NRG2: variants seen among roughly 807,000 people sequenced by gnomAD.
NRG2 encodes the protein pro-neuregulin-2, membrane-bound isoform.
Under a neutral mutation model 73.9 loss-of-function variants are expected in NRG2, and 27 were observed. The observed-to-expected ratio is 0.37, with a 90% CI of 0.27 to 0.50. The LOEUF (loss-of-function observed/expected upper bound fraction) is 0.50, where lower values mean the gene tolerates loss of function less well. Ranked by LOEUF, NRG2 falls within the 20% of genes least tolerant of loss-of-function variation. The probability of loss-of-function intolerance (pLI) is 0.96; values close to 1 mark genes in which losing one functional copy is unlikely to be tolerated. For missense variants in NRG2, 1,126 were observed against 1,210.1 expected, an observed-to-expected ratio of 0.93 and a Z score of 1.03; for synonymous variants, 532 against 541.0, an observed-to-expected ratio of 0.98 and a Z score of 0.23.
intron 5 of NRG2, among the ~76,000 whole-genome samples, chr5:139,859,668 G>A (rs1416544889): frequency 6.6e-6 from 1 of 152,120 alleles, no homozygotes; most frequent in African/African-American, 2.4e-5. Flanking sequence ...TGAGGGCAAC[G>A]GTCCGAACCC....
intron 9 of NRG2, 71 bp from the exon 10 acceptor site, chr5:139,848,768 G>GGGGT: frequency 1.9e-6 from 1 of 531,040 alleles, no homozygotes; most frequent in South Asian, 3.3e-5. Flanking sequence ...GTTGGGGGTG[G>GGGGT]GGTAGGGTGG....
intron 3 of NRG2, among the ~76,000 whole-genome samples, chr5:139,876,039 T>C (rs1272657497): frequency 1.3e-5 from 2 of 152,226 alleles, no homozygotes; most frequent in Admixed American, 1.3e-4. Context: ...TGTGCCCAGA[T>C]GTCCACAGCA....
intron 1 of NRG2, among the ~76,000 whole-genome samples, chr5:139,909,364 A>T (rs941910683): frequency 6.6e-6 from 1 of 152,136 alleles, no homozygotes; most frequent in Non-Finnish European, 1.5e-5. Context: ...TCCGAGTCTT[A>T]CCTATACAAT....
chr5:140,033,550 T>C (rs1761300087), intron 1 of NRG2, among the ~76,000 whole-genome samples: 1 of 152,226 alleles, frequency 6.6e-6, no homozygotes, highest in Admixed American at 6.5e-5. Flanking sequence ...CTCCACAGAA[T>C]GAGCATTCAT....
chr5:139,900,496 A>G (rs1764806363), intron 1 of NRG2, among the ~76,000 whole-genome samples: 1 of 152,246 alleles, frequency 6.6e-6, no homozygotes, highest in Non-Finnish European at 1.5e-5. Context: ...AGGGTGTGCT[A>G]CTGGCTCAGA....
chr5:139,970,795 A>G (rs1204571874), intron 1 of NRG2, among the ~76,000 whole-genome samples: 1 of 152,246 alleles, frequency 6.6e-6, no homozygotes, highest in Non-Finnish European at 1.5e-5. Flanking sequence ...GCTAAAAATC[A>G]GACAGAAAAG....
At chr5:139,938,827 T>G (rs1753047920) in intron 1 of NRG2, among the ~76,000 whole-genome samples, 1 of 126,050 alleles carries the variant, frequency 7.9e-6, no homozygotes. Flanking sequence ...CTGAAACAAT[T>G]GGACAGTCAT....
At chr5:139,938,900 G>GAAAGA (rs761406663) in intron 1 of NRG2, among the ~76,000 whole-genome samples, 9 of 63,962 alleles carry the variant, frequency 1.4e-4, no homozygotes, top group Non-Finnish European at 2.1e-4. Flanking sequence ...AAGAAAGAAA[G>GAAAGA]AAAGAAAAGA....
intron 1 of NRG2, among the ~76,000 whole-genome samples, chr5:140,018,043 T>A (rs905933129): frequency 6.6e-6 from 1 of 151,880 alleles, no homozygotes; most frequent in Admixed American, 6.6e-5. Context: ...TGCAAAGTCA[T>A]AAAGTTAGCT....
intron 1 of NRG2, among the ~76,000 whole-genome samples, chr5:139,899,171 G>A (rs1764727129): frequency 6.6e-6 from 1 of 152,224 alleles, no homozygotes; most frequent in Non-Finnish European, 1.5e-5. Context: ...TAACACCTAT[G>A]GAACTGACAG....
intron 1 of NRG2, among the ~76,000 whole-genome samples, chr5:139,938,921 GAA>G (rs1169530844): frequency 9.8e-6 from 1 of 101,578 alleles, no homozygotes; most frequent in Non-Finnish European, 2.1e-5. Context: ...AAGAAAGAAA[GAA>G]AGAAAGAAAG....
At chr5:139,964,601 AGT>A (rs1298694664) in intron 1 of NRG2, among the ~76,000 whole-genome samples, 2 of 152,176 alleles carry the variant, frequency 1.3e-5, no homozygotes, top group Non-Finnish European at 2.9e-5. Context: ...ATGCTTGGGG[AGT>A]GTGTCCCAGA....
At position 139,973,972 on chromosome 5, in the gene NRG2, GATTATGAGTGTTCTT is replaced by G. The variant is rs546740558; in HGVS notation, c.700+68383_700+68397del. ...CTTTAGTTTTGTTGCTGGGTAGTGA[GATTATGAGTGTTCTT>G]ATTTTCTTCTTTTTGATTACCCATA... On this transcript the variant is annotated intron_variant, in intron 1 of 9. Transcript: ENST00000361474. Among the ~76,000 whole-genome samples the G allele has an allele frequency of 3.1e-3, 474 of 152,298 alleles. 2 individuals are homozygous for G. Among genetic ancestry groups the G allele is most frequent in the African/African-American group, 0.011 (446 of 41,562 alleles).
At chr5:139,866,325 T>C (rs1334304119) in intron 4 of NRG2, among the ~76,000 whole-genome samples, 2 of 152,236 alleles carry the variant, frequency 1.3e-5, no homozygotes, top group African/African-American at 4.8e-5. Flanking sequence ...GAACTTTCCA[T>C]GTAAGTTCTC....
At position 139,878,757 on chromosome 5, in the gene NRG2, G is replaced by T. The variant is rs187519540; in HGVS notation, c.991+2099C>A. 1.5e-4 allele frequency among the ~76,000 whole-genome samples: 23 copies of T among 152,346 alleles called. No homozygotes were observed. The East Asian group carries it at 4.2e-3, about 28-fold the overall frequency. On this transcript the variant is annotated intron_variant, in intron 3 of 9. Transcript: ENST00000361474. ...ATGTCTGACCACTACAGCAGAGGTG[G>T]CAGGTGCTAGACCCCAGACACAGCC...
At chr5:139,929,427 C>T (rs1016636913) in intron 1 of NRG2, among the ~76,000 whole-genome samples, 40 of 152,192 alleles carry the variant, frequency 2.6e-4, no homozygotes, top group African/African-American at 7.5e-4. Context: ...ATGTATGGGA[C>T]GTTTTCTCAT....
At position 139,851,611 on chromosome 5, in the gene NRG2, T is replaced by C; in HGVS notation, c.1765A>G (p.Ser589Gly). 6.2e-7 allele frequency: 1 copy of C among 1,613,930 alleles called. No individual in the cohort carries two copies. The highest frequency in any genetic ancestry group is 1.1e-5 in the South Asian group (1 of 91,064). Residue 589 changes from serine (S) to glycine (G), a missense_variant, in exon 9 of 10, where the codon AGC becomes GGC. Ser to Gly is a moderately conservative substitution (Grantham distance 56). This residue lies in a region of NRG2 where 539 missense variants were observed against 703.2 expected (regional missense o/e 0.77). Transcript: ENST00000361474. This position sits in a 1 kb window ranked among gnomAD's most constrained non-coding sequence, Gnocchi z 4.2. ...SVDSLRDSPHSERYVSALTTP... is the reference protein window; with the variant it reads ...SVDSLRDSPHGERYVSALTTP... ...CAGGGGGTAGGAACTGACCTCTCGC[T>C]GTGTGGGGAGTCGCGAAGGGAGTCC...
chr5:139,852,907 T>G lies in NRG2; in HGVS notation c.1413A>C (p.Ala471=). ...PRLDPEEIQM[A]DYISKNVPAT... Reference sequence around the variant, plus strand: ...GGGCCCCAGGAAAGCCACTCACATCTGCCATCTGGATCTCCTCTGGGTCCA... The same window carrying G: ...GGGCCCCAGGAAAGCCACTCACATCGGCCATCTGGATCTCCTCTGGGTCCA... Residue 471 remains alanine, a synonymous_variant, in exon 7 of 10, where the codon GCA becomes GCC. Coordinates refer to ENST00000361474, the MANE Select transcript of NRG2 (RefSeq NM_004883.3). This position sits in a 1 kb window ranked among gnomAD's most constrained non-coding sequence, Gnocchi z 4.4. 1 of 1,613,276 alleles carries G rather than the reference T, an allele frequency of 6.2e-7. No homozygotes were observed. Among genetic ancestry groups the G allele is most frequent in the Non-Finnish European group, 8.5e-7 (1 of 1,179,728 alleles).
At chr5:139,893,347 C>T (rs1764341234) in intron 1 of NRG2, among the ~76,000 whole-genome samples, 1 of 152,196 alleles carries the variant, frequency 6.6e-6, no homozygotes, top group Non-Finnish European at 1.5e-5. Context: ...AAGGGAGGAG[C>T]AGCAGTCCTG....
Sources: allele counts gnomAD v4.1 joint callset (sites outside exome capture counted in the v4.1 genomes callset), GRCh38; gene constraint gnomAD v4.1.1; regional missense constraint gnomAD v4.1.1; non-coding constraint Gnocchi (gnomAD v3.1); transcripts MANE v1.5; gene names NCBI Gene and HGNC (gene_info 2026-07-23, HGNC 2026-07-21).